KCNMA1: variants seen among roughly 807,000 people sequenced by gnomAD.
The protein encoded by KCNMA1 is Calcium-activated potassium channel subunit alpha-1.
KCNMA1 carries 29 observed loss-of-function variants against 140.0 expected under a neutral mutation model. The ratio of observed to expected loss-of-function variants is 0.21; its 90% CI spans 0.15 to 0.28. The LOEUF (loss-of-function observed/expected upper bound fraction) is 0.28, where lower values mean the gene tolerates loss of function less well. Among genes scored for constraint, KCNMA1 ranks in the 10% least tolerant of loss-of-function variants. The pLI is 1.00. For missense variants in KCNMA1, 880 were observed against 1,602.2 expected (o/e 0.55, Z 7.70); for synonymous variants, 612 against 611.9 (o/e 1.00, Z 0.00).
intron 2 of KCNMA1, among the ~76,000 whole-genome samples, chr10:77,384,873 C>T (rs561994840): frequency 6.6e-6 from 1 of 152,358 alleles, no homozygotes; most frequent in South Asian, 2.1e-4. Context: ...TTCCTTCACT[C>T]ATTCTTGAAT....
At chr10:77,439,120 G>C (rs1386794475) in intron 1 of KCNMA1, among the ~76,000 whole-genome samples, 1 of 144,810 alleles carries the variant, frequency 6.9e-6, no homozygotes, top group African/African-American at 2.6e-5. Context: ...GAGAAGAGAA[G>C]AGAAGAGAAG....
At chr10:76,875,985 C>T (rs963849642), downstream of KCNMA1, 4 of 152,488 alleles carry the variant, frequency 2.6e-5, no homozygotes, top group South Asian at 2.1e-4. Context: ...CAAAATGTGA[C>T]GACAGAGTAA....
At chr10:77,467,629 G>A (rs1176774672) in intron 1 of KCNMA1, among the ~76,000 whole-genome samples, 1 of 152,230 alleles carries the variant, frequency 6.6e-6, no homozygotes, top group African/African-American at 2.4e-5. Context: ...CCTAGGGAAA[G>A]CCAACTCGAG....
chr10:77,168,942 G>A (rs973967831), intron 5 of KCNMA1, among the ~76,000 whole-genome samples: 1 of 152,146 alleles, frequency 6.6e-6, no homozygotes, highest in Non-Finnish European at 1.5e-5. Flanking sequence ...AACAATATGT[G>A]AACGAATGAA....
At position 77,440,040 on chromosome 10, in the gene KCNMA1, C is replaced by T. The variant is rs142213367; in HGVS notation, c.379-36017G>A. On this transcript the variant is annotated intron_variant, in intron 1 of 27. Coordinates refer to ENST00000286628, the MANE Select transcript of KCNMA1 (RefSeq NM_001161352.2). ...CAGGGCGGGGGCTGGGAGTGCTGGACTCTCAATTCTGACACCATAGCTTCT... is the reference window on the plus strand; with the variant it reads ...CAGGGCGGGGGCTGGGAGTGCTGGATTCTCAATTCTGACACCATAGCTTCT... Among the ~76,000 whole-genome samples, 890 of 152,332 alleles carry T rather than the reference C, an allele frequency of 5.8e-3. 6 individuals are homozygous for T. The highest frequency in any genetic ancestry group is 0.014 in the Middle Eastern group (4 of 294).
chr10:77,240,565 T>C (rs1444050936), intron 3 of KCNMA1, among the ~76,000 whole-genome samples: 1 of 152,226 alleles, frequency 6.6e-6, no homozygotes, highest in Non-Finnish European at 1.5e-5. Context: ...GGCCCAAATC[T>C]GGCCTGCAGA....
intron 3 of KCNMA1, among the ~76,000 whole-genome samples, chr10:77,196,917 C>T (rs1016458952): frequency 3.9e-5 from 6 of 152,008 alleles, no homozygotes; most frequent in African/African-American, 1.4e-4. Flanking sequence ...CAGATCCTGA[C>T]AGTTGTGTTT....
At chr10:77,218,277 C>CCATA (rs1459541278) in intron 3 of KCNMA1, among the ~76,000 whole-genome samples, 1 of 152,078 alleles carries the variant, frequency 6.6e-6, no homozygotes, top group Non-Finnish European at 1.5e-5. Flanking sequence ...AAATGGCCAC[C>CCATA]CATACAGGCC....
At chr10:77,300,374 C>A (rs1046740865) in intron 2 of KCNMA1, among the ~76,000 whole-genome samples, 1 of 152,260 alleles carries the variant, frequency 6.6e-6, no homozygotes, top group Non-Finnish European at 1.5e-5. Flanking sequence ...TGCCTCAACT[C>A]CCTCCCCCAT....
At chr10:77,518,379 G>A (rs1180957923) in intron 1 of KCNMA1, among the ~76,000 whole-genome samples, 1 of 152,218 alleles carries the variant, frequency 6.6e-6, no homozygotes, top group Admixed American at 6.5e-5. Flanking sequence ...GGCAGGCCCT[G>A]GGACTGAAAT....
chr10:76,923,416 G>A (rs966929673), intron 23 of KCNMA1, among the ~76,000 whole-genome samples: 3 of 146,606 alleles, frequency 2.0e-5, no homozygotes, highest in Admixed American at 6.9e-5. Context: ...GCAACAAAGC[G>A]AGACTCCGTC....
intron 1 of KCNMA1, among the ~76,000 whole-genome samples, chr10:77,431,285 T>C (rs766795767): frequency 1.6e-4 from 24 of 152,178 alleles, no homozygotes; most frequent in Non-Finnish European, 3.1e-4. Flanking sequence ...CATTCTCAGA[T>C]TGCAAACAAT....
intron 5 of KCNMA1, among the ~76,000 whole-genome samples, chr10:77,172,203 T>G (rs901433537): frequency 6.6e-6 from 1 of 152,160 alleles, no homozygotes; most frequent in African/African-American, 2.4e-5. Context: ...CGTCCAGTCC[T>G]AGAGATTTAG....
In KCNMA1 at chr10:76,944,765, G is replaced by T; in HGVS notation, c.2902+8C>A. On this transcript the variant is annotated splice_region_variant and intron_variant, in intron 23 of 27. Transcript: ENST00000286628. ...GCACAGCAAAGAAGTATTACAGGCT[G>T]TCCTTACCTTGGGAATTAGCCTGCA... The T allele has an allele frequency of 6.2e-7, 1 of 1,613,078 alleles. No homozygotes were observed. Among genetic ancestry groups the T allele is most frequent in the Non-Finnish European group, 8.5e-7 (1 of 1,179,092 alleles).
intron 5 of KCNMA1, among the ~76,000 whole-genome samples, chr10:77,165,286 T>G (rs1032542105): frequency 6.6e-6 from 1 of 152,174 alleles, no homozygotes; most frequent in South Asian, 2.1e-4. Flanking sequence ...AGTCCTCACT[T>G]AAACACAGTA....
At chr10:77,366,106 C>CTTTCTTTCTTTCTT (rs2094334381) in intron 2 of KCNMA1, among the ~76,000 whole-genome samples, 2 of 59,318 alleles carry the variant, frequency 3.4e-5, no homozygotes, top group Admixed American at 3.4e-4. Context: ...TATGCATGTT[C>CTTTCTTTCTTTCTT]TTTCTTTCTT....
chr10:77,417,285 G>C (rs1280461350), intron 1 of KCNMA1, among the ~76,000 whole-genome samples: 1 of 152,204 alleles, frequency 6.6e-6, no homozygotes, highest in African/African-American at 2.4e-5. Flanking sequence ...GCCCCAGTTA[G>C]CCTGGACAAT....
At chr10:77,605,620 G>A (rs947307796) in intron 1 of KCNMA1, among the ~76,000 whole-genome samples, 2 of 152,164 alleles carry the variant, frequency 1.3e-5, no homozygotes, top group African/African-American at 4.8e-5. Context: ...GTCGTCAGGG[G>A]TGTTTCAGAA....
chr10:77,460,330 G>A (rs1283762810), intron 1 of KCNMA1, among the ~76,000 whole-genome samples: 1 of 152,072 alleles, frequency 6.6e-6, no homozygotes, highest in South Asian at 2.1e-4. Context: ...AAACAGTGTG[G>A]AGATTTCTCA....
Sources: allele counts gnomAD v4.1 joint callset (sites outside exome capture counted in the v4.1 genomes callset), GRCh38; gene constraint gnomAD v4.1.1; transcripts MANE v1.5; gene names NCBI Gene and HGNC (gene_info 2026-07-23, HGNC 2026-07-21).